DSG2: variants seen among roughly 807,000 people sequenced by gnomAD.
The protein encoded by DSG2 is desmoglein-2.
Under a neutral mutation model 75.6 loss-of-function variants are expected in DSG2, and 45 were observed. The observed-to-expected ratio is 0.60, with a 90% confidence interval of 0.47 to 0.76. The LOEUF (loss-of-function observed/expected upper bound fraction) is 0.76, where lower values mean the gene tolerates loss of function less well. DSG2 is among the 30% of genes least tolerant of loss of function. The probability of loss-of-function intolerance (pLI) is 0.00; values close to 1 mark genes in which losing one functional copy is unlikely to be tolerated. For synonymous variants in DSG2, 429 were observed against 483.9 expected (o/e 0.89, Z 1.49); for missense variants, 1,267 against 1,357.4 (o/e 0.93, Z 1.05).
intron 10 of DSG2, 90 bp downstream of exon 10, chr18:31,535,502 A>G (rs2073224357): frequency 1.6e-6 from 2 of 1,264,934 alleles, no homozygotes; most frequent in Non-Finnish European, 2.2e-6. Context: ...TTGTGTATAA[A>G]AACCTAATCT....
chr18:31,545,246 A>G (rs1191420061), intron 14 of DSG2, among the ~76,000 whole-genome samples: 1 of 152,164 alleles, frequency 6.6e-6, no homozygotes, highest in Non-Finnish European at 1.5e-5. Context: ...GAAATTTTGA[A>G]CCCAATAAAC....
At chr18:31,510,014 C>G (rs939857456) in intron 1 of DSG2, among the ~76,000 whole-genome samples, 1 of 152,166 alleles carries the variant, frequency 6.6e-6, no homozygotes, top group Non-Finnish European at 1.5e-5. Flanking sequence ...TTTGATTTGA[C>G]CTTCTATACA....
intron 1 of DSG2, among the ~76,000 whole-genome samples, chr18:31,515,259 C>G (rs753529081): frequency 2.0e-4 from 31 of 152,040 alleles, no homozygotes; most frequent in African/African-American, 7.0e-4. Context: ...CCCACCACCA[C>G]GGGCAGCTAA....
intron 1 of DSG2, among the ~76,000 whole-genome samples, chr18:31,510,792 C>T (rs2073062366): frequency 6.6e-6 from 1 of 152,198 alleles, no homozygotes; most frequent in South Asian, 2.1e-4. Context: ...GATACAGGAA[C>T]TAGCAGCTTA....
At chr18:31,501,584 T>A (rs1413242579) in intron 1 of DSG2, among the ~76,000 whole-genome samples, 1 of 152,204 alleles carries the variant, frequency 6.6e-6, no homozygotes, top group Non-Finnish European at 1.5e-5. Context: ...GCAATCTTTG[T>A]CATTCCTTCT....
chr18:31,530,915 C>CATGTAT (rs144087957), intron 8 of DSG2, 72 bp from the exon 9 acceptor site: 7 of 1,464,444 alleles, frequency 4.8e-6, no homozygotes, highest in East Asian at 4.5e-5. Context: ...TAAAACCACA[C>CATGTAT]ATGTATATGT....
At chr18:31,503,579 C>T (rs559649024) in intron 1 of DSG2, among the ~76,000 whole-genome samples, 1 of 152,232 alleles carries the variant, frequency 6.6e-6, no homozygotes, top group Admixed American at 6.5e-5. Flanking sequence ...ATTCACATCA[C>T]TAAGTAAATG....
intron 8 of DSG2, among the ~76,000 whole-genome samples, chr18:31,528,309 C>T (rs2073174492): frequency 1.3e-5 from 2 of 152,154 alleles, no homozygotes; most frequent in Non-Finnish European, 2.9e-5. Context: ...TGTCCATCAG[C>T]TGGTGAGTAG....
At chr18:31,501,987 T>C (rs1473783721) in intron 1 of DSG2, among the ~76,000 whole-genome samples, 1 of 152,230 alleles carries the variant, frequency 6.6e-6, no homozygotes, top group Admixed American at 6.5e-5. Flanking sequence ...ATGGTGAATA[T>C]TGAAGCCATA....
At chr18:31,543,864 TAAAAAAAAAAA>T (rs576034927) in intron 14 of DSG2, among the ~76,000 whole-genome samples, 7 of 94,858 alleles carry the variant, frequency 7.4e-5, no homozygotes, top group African/African-American at 2.9e-4. Flanking sequence ...AAACTCTGTC[TAAAAAAAAAAA>T]AAAAAAAAAG....
intron 2 of DSG2, 24 bp downstream of exon 2, chr18:31,518,298 C>T: frequency 1.2e-6 from 2 of 1,604,666 alleles, no homozygotes; most frequent in Non-Finnish European, 1.7e-6. Context: ...GGGATTATTT[C>T]TGCCTTCTGA....
At chr18:31,533,991 C>CTTTT (rs55789239) in intron 9 of DSG2, among the ~76,000 whole-genome samples, 9 of 125,940 alleles carry the variant, frequency 7.1e-5, no homozygotes, top group African/African-American at 9.0e-5. Flanking sequence ...TCTTTTTTTT[C>CTTTT]TTTTTTTTTT....
At position 31,503,427 on chromosome 18, in the gene DSG2, G is replaced by C. The variant is rs116309718; in HGVS notation, c.45+5131G>C. ...GCATCTAAAAGGCCTGAAAATGATA[G>C]TTCATGGTTCTGCAGAGGAACCTAA... On this transcript the variant is annotated intron_variant, in intron 1 of 14. Coordinates refer to ENST00000261590, the MANE Select transcript of DSG2 (RefSeq NM_001943.5). 5.4e-3 allele frequency among the ~76,000 whole-genome samples: 822 copies of C among 152,280 alleles called. 8 individuals are homozygous for C. Among genetic ancestry groups the C allele is most frequent in the African/African-American group, 0.019 (790 of 41,556 alleles).
Position 31,524,794 on chromosome 18 carries a change from T to A in DSG2, c.920T>A (p.Leu307Gln), listed in dbSNP as rs1210654212. Residue 307 changes from leucine to glutamine, a missense_variant, in exon 8 of 15, where the codon CTG becomes CAG. Physicochemically the swap from Leu to Gln is moderately radical, Grantham distance 113. Coordinates refer to ENST00000261590, the MANE Select transcript of DSG2 (RefSeq NM_001943.5). ...DADEIGSDNW[L>Q]ANFTFASGNE... The stretch of plus-strand genomic sequence containing the variant: ...GATGAAATAGGTTCTGATAATTGGC[T>A]GGCAAATTTTACATTTGCATCAGGA... The A allele has an allele frequency of 1.9e-6, 3 of 1,614,186 alleles. No homozygotes were observed. Among genetic ancestry groups the A allele is most frequent in the South Asian group, 1.1e-5 (1 of 91,080 alleles).
At chr18:31,529,451 A>G (rs2073181561) in intron 8 of DSG2, among the ~76,000 whole-genome samples, 1 of 152,250 alleles carries the variant, frequency 6.6e-6, no homozygotes, top group African/African-American at 2.4e-5. Context: ...AGTGACTTAA[A>G]TAAACTAACA....
At chr18:31,501,563 C>G (rs1384108854) in intron 1 of DSG2, among the ~76,000 whole-genome samples, 1 of 152,186 alleles carries the variant, frequency 6.6e-6, no homozygotes, top group African/African-American at 2.4e-5. Flanking sequence ...CAAGTGCATA[C>G]TGGTTTGTTG....
rs2073274655 is a variant in DSG2 at position 31,542,525 on chromosome 18, G to A, written c.2007G>A (p.Val669=). Residue 669 remains valine, a synonymous_variant, in exon 14 of 15, where the codon GTG becomes GTA. Coordinates refer to ENST00000261590, the MANE Select transcript of DSG2 (RefSeq NM_001943.5). ...NEGAPPEDKV[V]PSFLPVDQGG... Reference sequence around the variant, plus strand: ...AGCTGTGTTTGCTCTCACAGGTGGTGCCATCATTTCTGCCAGTGGATCAAG... The same window carrying A: ...AGCTGTGTTTGCTCTCACAGGTGGTACCATCATTTCTGCCAGTGGATCAAG... 3.1e-6 allele frequency: 5 copies of A among 1,613,760 alleles called. No individual in the cohort carries two copies. The highest frequency in any genetic ancestry group is 1.1e-5 in the South Asian group (1 of 91,062).
At chr18:31,520,111 C>G (rs2073119654) in intron 3 of DSG2, among the ~76,000 whole-genome samples, 174 bp downstream of exon 3, 1 of 152,196 alleles carries the variant, frequency 6.6e-6, no homozygotes, top group Non-Finnish European at 1.5e-5. Flanking sequence ...AAAGTATCAA[C>G]TTTAAGATTC....
intron 1 of DSG2, among the ~76,000 whole-genome samples, chr18:31,499,609 T>C (rs1462428488): frequency 6.6e-6 from 1 of 152,184 alleles, no homozygotes; most frequent in Non-Finnish European, 1.5e-5. Context: ...GTTTTTAGCC[T>C]CTGGGCTGGC....
Sources: allele counts gnomAD v4.1 joint callset (sites outside exome capture counted in the v4.1 genomes callset), GRCh38; gene constraint gnomAD v4.1.1; transcripts MANE v1.5; gene names NCBI Gene and HGNC (gene_info 2026-07-23, HGNC 2026-07-21).